Variants in PLD5 observed in about 807,000 individuals in gnomAD.
PLD5 encodes the protein phospholipase D family member 5.
Under a neutral mutation model 61.1 loss-of-function variants are expected in PLD5, and 36 were observed. The ratio of observed to expected loss-of-function variants is 0.59; its 90% CI spans 0.45 to 0.78. The LOEUF is 0.78. Ranked by LOEUF, PLD5 falls within the 30% of genes least tolerant of loss-of-function variation. PLD5 has a pLI of 0.00. For missense variants in PLD5, 515 were observed against 644.4 expected, an observed-to-expected ratio of 0.80 and a Z score of 2.17; for synonymous variants, 243 against 242.8, an observed-to-expected ratio of 1.00 and a Z score of -0.01.
chr1:242,508,516 T>C (rs959790810), intron 1 of PLD5, among the ~76,000 whole-genome samples: 1 of 152,148 alleles, frequency 6.6e-6, no homozygotes, highest in African/African-American at 2.4e-5. Flanking sequence ...GACAAGCACA[T>C]CCTCCCATTC....
chr1:242,277,043 C>T (rs1313420169), intron 3 of PLD5, among the ~76,000 whole-genome samples: 2 of 152,028 alleles, frequency 1.3e-5, no homozygotes, highest in Non-Finnish European at 2.9e-5. Flanking sequence ...ACCAGGCTCT[C>T]GGCGGCTGGA....
intron 6 of PLD5, among the ~76,000 whole-genome samples, chr1:242,120,110 T>C (rs759844527): frequency 2.0e-5 from 3 of 152,068 alleles, no homozygotes; most frequent in Non-Finnish European, 4.4e-5. Context: ...TTATATAAAA[T>C]ATCCAGAAAA....
In PLD5 at chr1:242,089,394, G is replaced by C. The variant is rs1481815941; in HGVS notation, c.*460C>G. On this transcript the variant is annotated 3_prime_UTR_variant, in exon 10 of 10. Coordinates refer to ENST00000536534, the MANE Select transcript of PLD5 (RefSeq NM_001372062.1). ...TATTCATGCTTAGCTGACTGTGTAG[G>C]TCTTGGAGACGATTTACAAGAATAA... 2.5e-6 allele frequency: 1 copy of C among 398,188 alleles called. No homozygotes were observed. The highest frequency in any genetic ancestry group is 3.6e-5 in the East Asian group (1 of 27,976). The allele number at this position is 398,188 out of a possible 1,614,324, so 24.7% of individuals were successfully genotyped here.
At chr1:242,388,022 G>A (rs1364684391) in intron 1 of PLD5, among the ~76,000 whole-genome samples, 1 of 152,098 alleles carries the variant, frequency 6.6e-6, no homozygotes, top group Non-Finnish European at 1.5e-5. Flanking sequence ...CAGACACAGG[G>A]GTTGCCTTGG....
intron 2 of PLD5, among the ~76,000 whole-genome samples, chr1:242,299,916 G>A (rs1675929805): frequency 1.3e-5 from 2 of 152,152 alleles, no homozygotes; most frequent in African/African-American, 4.8e-5. Context: ...CAAAACCCCT[G>A]TTTTCATGGG....
chr1:242,165,856 T>G (rs1666267633), intron 5 of PLD5, among the ~76,000 whole-genome samples: 1 of 152,160 alleles, frequency 6.6e-6, no homozygotes, highest in African/African-American at 2.4e-5. Context: ...AATGGACCAT[T>G]CAGGCATTTA....
At chr1:242,161,418 C>CCATATCATCTATTTACAG (rs1665817966) in intron 5 of PLD5, among the ~76,000 whole-genome samples, 1 of 151,902 alleles carries the variant, frequency 6.6e-6, no homozygotes, top group Non-Finnish European at 1.5e-5. Flanking sequence ...GGGACACAAA[C>CCATATCATCTATTTACAG]CATATCATCT....
At chr1:242,320,290 A>G (rs1391075213) in intron 2 of PLD5, among the ~76,000 whole-genome samples, 3 of 152,248 alleles carry the variant, frequency 2.0e-5, no homozygotes, top group Admixed American at 6.5e-5. Context: ...TAGCTCAAAT[A>G]TCTACTTGTA....
chr1:242,135,956 T>C lies in PLD5; in HGVS notation c.736-11291A>G, dbSNP rs112328015. ...AGGAATGAATTTAGCATGCAGAGCA[T>C]TGGCTCTCCTTCTTTAGAGCAGCCT... On this transcript the variant is annotated intron_variant, in intron 5 of 9. Coordinates refer to ENST00000536534, the MANE Select transcript of PLD5 (RefSeq NM_001372062.1). Among the ~76,000 whole-genome samples, 187 of 152,100 alleles carry C rather than the reference T, an allele frequency of 1.2e-3. 2 individuals carry two copies. The highest frequency in any genetic ancestry group is 4.2e-3 in the African/African-American group (176 of 41,486).
chr1:242,218,472 C>T (rs946775073), intron 5 of PLD5, among the ~76,000 whole-genome samples: 2 of 152,138 alleles, frequency 1.3e-5, no homozygotes, highest in Non-Finnish European at 2.9e-5. Context: ...TCCTAGTTTT[C>T]CTAGTTCAAT....
intron 1 of PLD5, among the ~76,000 whole-genome samples, chr1:242,350,338 G>A (rs1660402501): frequency 6.6e-6 from 1 of 152,092 alleles, no homozygotes; most frequent in Admixed American, 6.6e-5. Context: ...TCTATGTACA[G>A]CTTTTAAGGG....
intron 1 of PLD5, among the ~76,000 whole-genome samples, chr1:242,492,033 T>G (rs770808150): frequency 3.3e-5 from 5 of 152,188 alleles, no homozygotes; most frequent in Non-Finnish European, 7.3e-5. Flanking sequence ...GAATGACATA[T>G]CAAGTGCAAC....
At position 242,089,307 on chromosome 1, in the gene PLD5, A is replaced by G. The variant is rs1303944254; in HGVS notation, c.*547T>C. On this transcript the variant is annotated 3_prime_UTR_variant, in exon 10 of 10. Coordinates refer to ENST00000536534, the MANE Select transcript of PLD5 (RefSeq NM_001372062.1). ...AAATAAAACTTATGGTATAAGAAGA[A>G]AATGAGCAAGACAGAAAAGGATATT... The G allele has an allele frequency of 5.0e-6, 2 of 399,384 alleles. No homozygotes were observed. The highest frequency in any genetic ancestry group is 8.8e-6 in the Non-Finnish European group (2 of 226,730). 24.7% of individuals were successfully genotyped at this position (399,384 alleles called of 1,614,324 possible).
rs141477711 is a variant in PLD5 at position 242,520,354 on chromosome 1, T to C, written c.189+3734A>G. Among the ~76,000 whole-genome samples, 30 of 152,236 alleles carry C rather than the reference T, an allele frequency of 2.0e-4. No homozygotes were observed. The East Asian group carries it at 5.8e-3, about 29-fold the overall frequency. On this transcript the variant is annotated intron_variant, in intron 1 of 9. Transcript: ENST00000536534. Reference sequence around the variant, plus strand: ...TTCGTGGTGTCCGAGTCTCTGACATTTGGAGAATGTTCGTTCCTGCACTAC... The same window carrying C: ...TTCGTGGTGTCCGAGTCTCTGACATCTGGAGAATGTTCGTTCCTGCACTAC...
At chr1:242,163,151 C>CTTTTTT (rs1222335295) in intron 5 of PLD5, among the ~76,000 whole-genome samples, 1 of 146,602 alleles carries the variant, frequency 6.8e-6, no homozygotes, top group East Asian at 2.0e-4. Flanking sequence ...TCTTTTCTTT[C>CTTTTTT]TTTTCTTGAG....
intron 4 of PLD5, among the ~76,000 whole-genome samples, chr1:242,234,227 G>A (rs1007184191): frequency 2.0e-5 from 3 of 152,108 alleles, no homozygotes; most frequent in Non-Finnish European, 2.9e-5. Context: ...GTGAAGGAGG[G>A]AGGGTTTCTT....
intron 5 of PLD5, among the ~76,000 whole-genome samples, chr1:242,143,291 G>A (rs1032881237): frequency 2.0e-5 from 3 of 152,018 alleles, no homozygotes; most frequent in African/African-American, 7.3e-5. Flanking sequence ...GACCTCAAAT[G>A]ATCCACCTAC....
intron 1 of PLD5, among the ~76,000 whole-genome samples, chr1:242,487,383 A>G (rs1212685140): frequency 6.6e-6 from 1 of 152,186 alleles, no homozygotes; most frequent in Non-Finnish European, 1.5e-5. Context: ...ACCTTTCACA[A>G]AAGTTAACTC....
chr1:242,323,060 A>G (rs1270211703), intron 2 of PLD5, among the ~76,000 whole-genome samples: 1 of 152,192 alleles, frequency 6.6e-6, no homozygotes, highest in African/African-American at 2.4e-5. Context: ...TGTTGAATGA[A>G]CAAAAATATG....
Sources: allele counts gnomAD v4.1 joint callset (sites outside exome capture counted in the v4.1 genomes callset), GRCh38; gene constraint gnomAD v4.1.1; transcripts MANE v1.5; gene names NCBI Gene and HGNC (gene_info 2026-07-23, HGNC 2026-07-21).